Variants in NKAIN3 observed in about 807,000 individuals in gnomAD.
NKAIN3 encodes the protein sodium/potassium transporting ATPase interacting 3.
A neutral mutation model predicts 30.2 loss-of-function variants in NKAIN3; 25 were observed. The observed-to-expected ratio is 0.83, with a 90% CI of 0.60 to 1.16. The LOEUF is 1.16. Among genes scored for constraint, NKAIN3 ranks in the 50% most tolerant of loss-of-function variants. The pLI, the probability that NKAIN3 is intolerant of heterozygous loss-of-function variation, is 0.00. For synonymous variants in NKAIN3, 91 were observed against 89.6 expected, an observed-to-expected ratio of 1.02 and a Z score of -0.09; for missense variants, 225 against 254.1, an observed-to-expected ratio of 0.89 and a Z score of 0.78.
At chr8:62,320,144 A>G (rs1249363548) in intron 1 of NKAIN3, among the ~76,000 whole-genome samples, 1 of 152,162 alleles carries the variant, frequency 6.6e-6, no homozygotes, top group Non-Finnish European at 1.5e-5. Context: ...GTCAGAGACT[A>G]GGATTGCAAC....
chr8:62,808,961 A>G (rs1964549), intron 4 of NKAIN3, among the ~76,000 whole-genome samples: 4,191 of 152,190 alleles, frequency 0.028, 204 homozygotes, highest in African/African-American at 0.095. Context: ...CTTATCTGCA[A>G]CTGTATAAGA....
At chr8:62,303,985 C>T (rs1399429097) in intron 1 of NKAIN3, among the ~76,000 whole-genome samples, 2 of 150,408 alleles carry the variant, frequency 1.3e-5, no homozygotes, top group Admixed American at 1.3e-4. Flanking sequence ...AAGAAGTTGC[C>T]AGGAGCAGGG....
chr8:62,344,586 A>C (rs937989678), intron 1 of NKAIN3, among the ~76,000 whole-genome samples: 1 of 152,104 alleles, frequency 6.6e-6, no homozygotes, highest in African/African-American at 2.4e-5. Flanking sequence ...AGCATACTAC[A>C]ACAGTGTATG....
chr8:62,576,997 A>C (rs1380925103), intron 1 of NKAIN3, among the ~76,000 whole-genome samples: 5 of 152,144 alleles, frequency 3.3e-5, no homozygotes, highest in African/African-American at 1.2e-4. Flanking sequence ...ACTAAAATGG[A>C]AGTTAGATAG....
chr8:62,313,618 G>C (rs574041741), intron 1 of NKAIN3, among the ~76,000 whole-genome samples: 2 of 152,232 alleles, frequency 1.3e-5, no homozygotes, highest in African/African-American at 4.8e-5. Context: ...ATTCCCTATG[G>C]AAATAATAGA....
intron 1 of NKAIN3, among the ~76,000 whole-genome samples, chr8:62,524,857 T>C (rs1198736192): frequency 6.6e-6 from 1 of 152,180 alleles, no homozygotes; most frequent in African/African-American, 2.4e-5. Flanking sequence ...CTACACAGAA[T>C]TCTTGAGGTA....
intron 3 of NKAIN3, among the ~76,000 whole-genome samples, chr8:62,729,040 C>CAAAAAAAAAAAAAAAAAAAAA (rs1317282077): frequency 8.2e-5 from 5 of 61,196 alleles, no homozygotes; most frequent in Non-Finnish European, 8.9e-5. Flanking sequence ...AAAAAAAAAA[C>CAAAAAAAAAAAAAAAAAAAAA]AAAAAAAAAA....
chr8:62,849,392 T>C (rs183510721), intron 4 of NKAIN3, among the ~76,000 whole-genome samples: 1 of 151,554 alleles, frequency 6.6e-6, no homozygotes, highest in East Asian at 1.9e-4. Flanking sequence ...TCTTCCTGAT[T>C]CAGTCTTGGG....
intron 1 of NKAIN3, among the ~76,000 whole-genome samples, chr8:62,395,346 TC>T (rs1817721429): frequency 6.6e-6 from 1 of 151,828 alleles, no homozygotes; most frequent in Admixed American, 6.6e-5. Flanking sequence ...GACCCTCACT[TC>T]CCAGACCGAG....
chr8:62,984,586 G>A lies in NKAIN3; in HGVS notation c.*19179G>A, dbSNP rs953597618. ...TCTTTTCTACAGATGTTTGACTTAT[G>A]AGATGAATTAATTGAAAAAGTCAAA... On this transcript the variant is annotated 3_prime_UTR_variant, in exon 7 of 7. Coordinates refer to ENST00000623646, the MANE Select transcript of NKAIN3 (RefSeq NM_001304533.3). The A allele has an allele frequency of 6.6e-6, 1 of 152,132 alleles. No homozygotes were observed. The highest frequency in any genetic ancestry group is 1.5e-5 in the Non-Finnish European group (1 of 68,022). The allele number at this position is 152,132 out of a possible 1,614,324, so 9.4% of individuals were successfully genotyped here.
At chr8:62,533,178 T>C (rs1028227173) in intron 1 of NKAIN3, among the ~76,000 whole-genome samples, 2 of 152,154 alleles carry the variant, frequency 1.3e-5, no homozygotes, top group Non-Finnish European at 2.9e-5. Context: ...GAGGAAACTG[T>C]AAGTTACAGT....
chr8:62,308,825 A>G (rs1322732933), intron 1 of NKAIN3, among the ~76,000 whole-genome samples: 1 of 150,612 alleles, frequency 6.6e-6, no homozygotes, highest in Admixed American at 6.6e-5. Context: ...TAGAAATTTC[A>G]GAACTGCAAA....
chr8:62,708,651 A>G (rs940590924), intron 3 of NKAIN3, among the ~76,000 whole-genome samples: 2 of 152,142 alleles, frequency 1.3e-5, no homozygotes, highest in African/African-American at 4.8e-5. Flanking sequence ...AAGGTAAATG[A>G]TCATATCCTC....
intron 1 of NKAIN3, among the ~76,000 whole-genome samples, chr8:62,374,113 C>CAAAAAA (rs66521184): frequency 1.9e-4 from 12 of 64,300 alleles, no homozygotes; most frequent in African/African-American, 5.6e-4. Context: ...ACTCCATCTC[C>CAAAAAA]AAAAAAAAAA....
intron 1 of NKAIN3, among the ~76,000 whole-genome samples, chr8:62,477,947 T>C (rs947691986): frequency 6.6e-6 from 1 of 152,180 alleles, no homozygotes; most frequent in Non-Finnish European, 1.5e-5. Context: ...AATACATATA[T>C]AACATAATTA....
At chr8:62,345,348 CATATACACATATATGT>C (rs1156384317) in intron 1 of NKAIN3, among the ~76,000 whole-genome samples, 438 of 9,572 alleles carry the variant, frequency 0.046, 24 homozygotes, top group African/African-American at 0.068. Context: ...TATATACACA[CATATACACATATATGT>C]ATATATACAC....
At chr8:62,317,058 G>T (rs1361810703) in intron 1 of NKAIN3, among the ~76,000 whole-genome samples, 1 of 152,084 alleles carries the variant, frequency 6.6e-6, no homozygotes, top group Non-Finnish European at 1.5e-5. Flanking sequence ...GTGTCTTTTG[G>T]CTGCATAAAT....
chr8:62,411,929 A>G (rs1165619871), intron 1 of NKAIN3, among the ~76,000 whole-genome samples: 1 of 152,218 alleles, frequency 6.6e-6, no homozygotes, highest in African/African-American at 2.4e-5. Flanking sequence ...ATGGAAAAAC[A>G]TTCCAGGCTT....
intron 1 of NKAIN3, among the ~76,000 whole-genome samples, chr8:62,507,179 T>C (rs1216653198): frequency 6.6e-6 from 1 of 152,200 alleles, no homozygotes; most frequent in African/African-American, 2.4e-5. Context: ...TCTGTCAGTT[T>C]CACTATACAA....
Sources: allele counts gnomAD v4.1 joint callset (sites outside exome capture counted in the v4.1 genomes callset), GRCh38; gene constraint gnomAD v4.1.1; transcripts MANE v1.5; gene names NCBI Gene and HGNC (gene_info 2026-07-23, HGNC 2026-07-21).